The following NCKAP5 variants were observed in gnomAD, a reference collection of about 807,000 sequenced individuals.
NCKAP5 encodes the protein NCK associated protein 5, also known as nck-associated protein 5.
In NCKAP5, 92 loss-of-function variants were observed where a neutral mutation model predicts 167.0. The ratio of observed to expected loss-of-function variants is 0.55; its 90% CI spans 0.47 to 0.66. NCKAP5 has a LOEUF of 0.66. Among genes scored for constraint, NCKAP5 ranks in the 30% least tolerant of loss-of-function variants. The pLI is 0.00. For synonymous variants in NCKAP5, 891 were observed against 877.4 expected, an observed-to-expected ratio of 1.02 and a Z score of -0.27; for missense variants, 2,378 against 2,315.0, an observed-to-expected ratio of 1.03 and a Z score of -0.56.
chr2:133,288,155 T>C (rs1679295560), intron 4 of NCKAP5, among the ~76,000 whole-genome samples: 1 of 152,186 alleles, frequency 6.6e-6, no homozygotes, highest in South Asian at 2.1e-4. Flanking sequence ...ATTCTGAGCA[T>C]GGGAATTTCA....
the NCKAP5 span, among the ~76,000 whole-genome samples, chr2:133,663,559 A>C: frequency 3.7e-4 from 56 of 152,328 alleles, no homozygotes; most frequent in African/African-American, 1.3e-3. Flanking sequence ...GAATATTCTA[A>C]TCCTTTGTTG....
chr2:133,223,460 G>A (rs149877340), intron 4 of NCKAP5, among the ~76,000 whole-genome samples: 3 of 152,252 alleles, frequency 2.0e-5, no homozygotes, highest in East Asian at 1.9e-4. Flanking sequence ...TGCACCTGTC[G>A]TGTGGGCAGA....
chr2:133,128,879 T>C (rs2149790337), intron 6 of NCKAP5, among the ~76,000 whole-genome samples: 1 of 152,082 alleles, frequency 6.6e-6, no homozygotes, highest in East Asian at 1.9e-4. Context: ...ATTACAGGCG[T>C]GAACCACTGC....
intron 6 of NCKAP5, among the ~76,000 whole-genome samples, chr2:133,123,955 G>A (rs980855367): frequency 6.6e-6 from 1 of 152,132 alleles, no homozygotes; most frequent in African/African-American, 2.4e-5. Context: ...TGAACCCTAG[G>A]ATTCCATAAA....
intron 4 of NCKAP5, among the ~76,000 whole-genome samples, chr2:133,239,475 C>T (rs890704535): frequency 6.6e-6 from 1 of 152,120 alleles, no homozygotes; most frequent in Non-Finnish European, 1.5e-5. Context: ...TCTATTGGTA[C>T]CTCATATCTT....
chr2:133,373,901 CACA>C (rs1157317361), intron 3 of NCKAP5, among the ~76,000 whole-genome samples: 1 of 152,180 alleles, frequency 6.6e-6, no homozygotes, highest in Non-Finnish European at 1.5e-5. Flanking sequence ...ACACAGACCT[CACA>C]ACATTTACAA....
intron 16 of NCKAP5, among the ~76,000 whole-genome samples, chr2:132,764,624 T>C (rs1034165008): frequency 4.0e-5 from 6 of 151,640 alleles, no homozygotes; most frequent in African/African-American, 1.2e-4. Context: ...CATCCAACCA[T>C]AGGCATGATT....
intron 3 of NCKAP5, chr2:133,433,950 G>A (rs1429798071): frequency 2.0e-5 from 3 of 152,170 alleles, no homozygotes; most frequent in African/African-American, 7.2e-5. Flanking sequence ...AGGATGTACA[G>A]GAAACCTGGG....
chr2:132,718,689 C>G (rs1689613779), intron 19 of NCKAP5, among the ~76,000 whole-genome samples: 2 of 152,170 alleles, frequency 1.3e-5, no homozygotes, highest in African/African-American at 4.8e-5. Context: ...CATGCTGGGT[C>G]TTTCTTTCTC....
At chr2:133,073,167 CCA>C (rs1387828532) in intron 6 of NCKAP5, among the ~76,000 whole-genome samples, 4 of 152,020 alleles carry the variant, frequency 2.6e-5, no homozygotes, top group Admixed American at 6.6e-5. Context: ...TCAAGGAAAT[CCA>C]ATACTTTTTG....
At chr2:132,842,016 C>G (rs1688328597) in intron 11 of NCKAP5, among the ~76,000 whole-genome samples, 1 of 151,998 alleles carries the variant, frequency 6.6e-6, no homozygotes, top group South Asian at 2.1e-4. Flanking sequence ...GCTGGCTTAA[C>G]CTTTTGTATG....
chr2:133,187,587 C>T (rs912718699), intron 5 of NCKAP5, among the ~76,000 whole-genome samples: 15 of 151,920 alleles, frequency 9.9e-5, no homozygotes, highest in African/African-American at 3.6e-4. Context: ...TATGCCAAAA[C>T]TATACAATGA....
At chr2:133,597,779 G>A in the NCKAP5 span, among the ~76,000 whole-genome samples, 1 of 151,902 alleles carries the variant, frequency 6.6e-6, no homozygotes. Context: ...GGACAGCTGA[G>A]GTCAATCTTC....
chr2:133,190,263 T>C (rs868295096), intron 5 of NCKAP5, among the ~76,000 whole-genome samples: 6 of 151,942 alleles, frequency 3.9e-5, no homozygotes, highest in Non-Finnish European at 7.4e-5. Flanking sequence ...CACTGTTCAA[T>C]GAAATAAAAG....
intron 5 of NCKAP5, among the ~76,000 whole-genome samples, chr2:133,200,227 T>A (rs78915118): frequency 0.036 from 5,415 of 152,064 alleles, 351 homozygotes; most frequent in African/African-American, 0.12. Flanking sequence ...TTTGTGTTAT[T>A]TGATTACTAC....
At chr2:133,461,454 A>G (rs896703535) in intron 3 of NCKAP5, among the ~76,000 whole-genome samples, 2 of 152,176 alleles carry the variant, frequency 1.3e-5, no homozygotes, top group Non-Finnish European at 1.5e-5. Context: ...AGAAGCAGAG[A>G]TTGAATGACC....
At chr2:133,251,962 C>T (rs1288179707) in intron 4 of NCKAP5, among the ~76,000 whole-genome samples, 1 of 152,044 alleles carries the variant, frequency 6.6e-6, no homozygotes, top group African/African-American at 2.4e-5. Flanking sequence ...GAGGAAGTCT[C>T]TCCTAATGTT....
At chr2:133,275,883 CAGTT>C in intron 4 of NCKAP5, among the ~76,000 whole-genome samples, 1 of 151,754 alleles carries the variant, frequency 6.6e-6, no homozygotes, top group East Asian at 1.9e-4. Flanking sequence ...CACCAATAAA[CAGTT>C]GACCCTTAAA....
chr2:133,643,228 A>G, the NCKAP5 span, among the ~76,000 whole-genome samples: 2 of 152,342 alleles, frequency 1.3e-5, no homozygotes, highest in African/African-American at 4.8e-5. Context: ...AATTTTACCA[A>G]TGTTATACAG....
Sources: allele counts gnomAD v4.1 joint callset (sites outside exome capture counted in the v4.1 genomes callset), GRCh38; gene constraint gnomAD v4.1.1; transcripts MANE v1.5; gene names NCBI Gene and HGNC (gene_info 2026-07-23, HGNC 2026-07-21).